ANO4: variants seen among roughly 807,000 people sequenced by gnomAD.
ANO4 encodes anoctamin 4.
ANO4 carries 69 observed loss-of-function variants against 141.9 expected under a neutral mutation model. The ratio of observed to expected loss-of-function variants is 0.49; its 90% CI spans 0.40 to 0.59. The LOEUF is 0.59. Ranked by LOEUF, ANO4 falls within the 20% of genes least tolerant of loss-of-function variation. The pLI is 0.00. For missense variants in ANO4, 894 were observed against 1,162.2 expected (o/e 0.77, Z 3.36); for synonymous variants, 350 against 394.3 (o/e 0.89, Z 1.33).
intron 1 of ANO4, among the ~76,000 whole-genome samples, chr12:100,859,855 A>C (rs775061691): frequency 6.6e-6 from 1 of 152,148 alleles, no homozygotes; most frequent in Non-Finnish European, 1.5e-5. Context: ...CATGAGAGGT[A>C]CTGAATAAAT....
intron 8 of ANO4, among the ~76,000 whole-genome samples, chr12:101,008,728 G>T (rs1178179305): frequency 6.6e-6 from 1 of 151,870 alleles, no homozygotes; most frequent in African/African-American, 2.4e-5. Flanking sequence ...CAGTTATTTG[G>T]CAGAGTTTAC....
intron 3 of ANO4, among the ~76,000 whole-genome samples, chr12:100,768,275 C>T (rs2033168128): frequency 6.6e-6 from 1 of 152,190 alleles, no homozygotes. Flanking sequence ...AGGGTATCTC[C>T]ACACTGTGCT....
At chr12:100,794,421 G>A (rs923661996), upstream of ANO4, among the ~76,000 whole-genome samples, 2 of 152,168 alleles carry the variant, frequency 1.3e-5, no homozygotes, top group Non-Finnish European at 2.9e-5. Context: ...TTAAATACAA[G>A]CAAACATTAA....
At chr12:101,041,387 A>G (rs1443490763) in intron 11 of ANO4, among the ~76,000 whole-genome samples, 1 of 152,234 alleles carries the variant, frequency 6.6e-6, no homozygotes, top group African/African-American at 2.4e-5. Context: ...GACTCAGTGT[A>G]TGATAAACAG....
chr12:100,842,753 G>A (rs2037344228), intron 1 of ANO4, among the ~76,000 whole-genome samples: 1 of 152,068 alleles, frequency 6.6e-6, no homozygotes, highest in African/African-American at 2.4e-5. Flanking sequence ...GAAGGTGGAA[G>A]GGTAAAGGGG....
chr12:100,759,055 G>C (rs1006827146), intron 3 of ANO4, among the ~76,000 whole-genome samples: 1 of 152,080 alleles, frequency 6.6e-6, no homozygotes, highest in Admixed American at 6.6e-5. Context: ...GTCCAGATGG[G>C]CATATATTTT....
rs1052938474 is a variant in ANO4 at position 100,914,591 on chromosome 12, C to CA, written c.56-7628dup. ...AAGCTTTTTTAGTTTATGCCACACA[C>CA]AAAAAAAGGATTTTGGTAAGTGCTA... is the stretch of plus-strand genomic sequence containing the variant. On this transcript the variant is annotated intron_variant, in intron 2 of 27. Coordinates refer to ENST00000392977, the MANE Select transcript of ANO4 (RefSeq NM_001286615.2). Among the ~76,000 whole-genome samples, 154 of 151,798 alleles carry CA rather than the reference C, an allele frequency of 1.0e-3. 1 individual carries two copies. Among genetic ancestry groups the CA allele is most frequent in the Middle Eastern group, 3.4e-3 (1 of 294 alleles).
intron 1 of ANO4, among the ~76,000 whole-genome samples, chr12:100,888,957 G>A (rs1216652717): frequency 6.6e-6 from 1 of 151,300 alleles, no homozygotes; most frequent in Non-Finnish European, 1.5e-5. Flanking sequence ...GTATGCATGT[G>A]CCATGCTGCT....
chr12:100,886,136 C>T (rs895663381), intron 1 of ANO4, among the ~76,000 whole-genome samples: 5 of 152,140 alleles, frequency 3.3e-5, no homozygotes, highest in African/African-American at 4.8e-5. Context: ...CTGATCCAGG[C>T]TTCTATGACC....
chr12:101,069,416 G>C (rs2136787266), intron 14 of ANO4, among the ~76,000 whole-genome samples: 1 of 152,296 alleles, frequency 6.6e-6, no homozygotes, highest in East Asian at 1.9e-4. Context: ...ATTGTTGCTT[G>C]CTATTTGGAC....
intron 1 of ANO4, among the ~76,000 whole-genome samples, chr12:100,836,935 T>G (rs2036959694): frequency 6.6e-6 from 1 of 152,036 alleles, no homozygotes; most frequent in Non-Finnish European, 1.5e-5. Flanking sequence ...TGACTGCAGG[T>G]CTAGAACTCA....
intron 1 of ANO4, among the ~76,000 whole-genome samples, chr12:100,891,837 G>T (rs1416955624): frequency 2.0e-5 from 3 of 151,996 alleles, no homozygotes; most frequent in Admixed American, 6.6e-5. Context: ...CCACTATTTT[G>T]TATAATAGAT....
chr12:100,771,657 A>G (rs1408316410), intron 3 of ANO4, among the ~76,000 whole-genome samples: 1 of 152,174 alleles, frequency 6.6e-6, no homozygotes, highest in Non-Finnish European at 1.5e-5. Context: ...GTGAAAAGCT[A>G]CTGAGTACTG....
intron 1 of ANO4, among the ~76,000 whole-genome samples, chr12:100,813,177 A>G (rs2035545404): frequency 6.6e-6 from 1 of 152,148 alleles, no homozygotes; most frequent in African/African-American, 2.4e-5. Flanking sequence ...TTGCCTAGCA[A>G]AGACATTTAC....
intron 1 of ANO4, among the ~76,000 whole-genome samples, chr12:100,858,022 A>T (rs926062102): frequency 6.6e-6 from 1 of 152,184 alleles, no homozygotes; most frequent in Non-Finnish European, 1.5e-5. Flanking sequence ...ATCACTGGTG[A>T]TAGGAGAATT....
intron 22 of ANO4, among the ~76,000 whole-genome samples, chr12:101,109,988 T>C (rs2050599632): frequency 6.6e-6 from 1 of 152,206 alleles, no homozygotes. Context: ...ATTTGGCCGT[T>C]AGGGGTGCCT....
At chr12:100,937,502 C>G (rs936003107) in intron 3 of ANO4, among the ~76,000 whole-genome samples, 3 of 152,106 alleles carry the variant, frequency 2.0e-5, no homozygotes, top group Admixed American at 6.6e-5. Flanking sequence ...GTGTTAGTTC[C>G]TCTCCATAAG....
intron 2 of ANO4, chr12:100,733,892 A>G: frequency 1.5e-6 from 1 of 676,290 alleles, no homozygotes; most frequent in Non-Finnish European, 2.7e-6. Context: ...TTTTTAAAAA[A>G]ATATTATTGC....
intron 12 of ANO4, 126 bp from the exon 13 acceptor site, chr12:101,043,413 G>A (rs1257979085): frequency 1.5e-6 from 1 of 646,476 alleles, no homozygotes; most frequent in Non-Finnish European, 2.7e-6. Context: ...AACAGATAAA[G>A]CTAAGATGCT....
Sources: gnomAD v4.1 joint callset for allele counts (sites outside exome capture counted in the v4.1 genomes callset) on GRCh38, gnomAD v4.1.1 for gene constraint, MANE v1.5 for transcripts, NCBI Gene and HGNC (gene_info 2026-07-23, HGNC 2026-07-21) for gene names.